FCHSD2: variants seen among roughly 807,000 people sequenced by gnomAD.
FCHSD2 encodes the protein F-BAR and double SH3 domains protein 2.
Under a neutral mutation model 108.1 loss-of-function variants are expected in FCHSD2, and 38 were observed. The observed-to-expected ratio is 0.35, with a 90% confidence interval of 0.27 to 0.46. The LOEUF (loss-of-function observed/expected upper bound fraction) is 0.46, where lower values mean the gene tolerates loss of function less well. Ranked by LOEUF, FCHSD2 falls within the 20% of genes least tolerant of loss-of-function variation. The pLI is 1.00. For synonymous variants in FCHSD2, 279 were observed against 314.7 expected, an observed-to-expected ratio of 0.89 and a Z score of 1.20; for missense variants, 751 against 897.8, an observed-to-expected ratio of 0.84 and a Z score of 2.09.
rs541465767 is a variant in FCHSD2 at position 73,108,742 on chromosome 11, T to G, written c.120-25002A>C. Among the ~76,000 whole-genome samples, 224 of 152,002 alleles carry G rather than the reference T, an allele frequency of 1.5e-3. 1 individual carries two copies. The highest frequency in any genetic ancestry group is 2.8e-3 in the Non-Finnish European group (187 of 67,954). ...CGCCACCGCGCCCGGCTAATTTTTTTTTGTATTTTTAGTAGAGACGGGGTT... is the reference window on the plus strand; with the variant it reads ...CGCCACCGCGCCCGGCTAATTTTTTGTTGTATTTTTAGTAGAGACGGGGTT... On this transcript the variant is annotated intron_variant, in intron 2 of 19. Transcript: ENST00000409418.
At chr11:72,915,732 C>T (rs539386184) in intron 9 of FCHSD2, among the ~76,000 whole-genome samples, 5 of 152,198 alleles carry the variant, frequency 3.3e-5, no homozygotes, top group South Asian at 2.1e-4. Context: ...GCAGGAGAAT[C>T]GCTTGAACCT....
intron 8 of FCHSD2, among the ~76,000 whole-genome samples, chr11:72,983,238 G>A (rs2135398163): frequency 6.6e-6 from 1 of 150,904 alleles, no homozygotes; most frequent in East Asian, 2.0e-4. Context: ...AGCTTGCAGT[G>A]AGCCGAGATC....
intron 3 of FCHSD2, among the ~76,000 whole-genome samples, chr11:73,080,296 CAAAAAAAA>C (rs370633105): frequency 1.9e-4 from 10 of 52,274 alleles, no homozygotes; most frequent in Non-Finnish European, 1.7e-4. Context: ...GACCCTGTCT[CAAAAAAAA>C]AAAAAAAAAA....
intron 9 of FCHSD2, among the ~76,000 whole-genome samples, chr11:72,905,412 C>T (rs534329053): frequency 6.6e-6 from 1 of 152,272 alleles, no homozygotes; most frequent in South Asian, 2.1e-4. Flanking sequence ...TTTATCCTTA[C>T]TTTGTATTAC....
intron 3 of FCHSD2, among the ~76,000 whole-genome samples, chr11:73,070,167 T>C (rs1039790853): frequency 2.6e-5 from 4 of 152,230 alleles, no homozygotes; most frequent in Non-Finnish European, 4.4e-5. Flanking sequence ...CTTCATATAA[T>C]GGTCTATTAA....
intron 13 of FCHSD2, among the ~76,000 whole-genome samples, chr11:72,853,440 A>T (rs1389043355): frequency 6.6e-6 from 1 of 152,152 alleles, no homozygotes; most frequent in Non-Finnish European, 1.5e-5. Context: ...TTGGAGACAG[A>T]GTCTCGCTCT....
At position 73,064,237 on chromosome 11, in the gene FCHSD2, A is replaced by T. The variant is rs142521777; in HGVS notation, c.165+19458T>A. On this transcript the variant is annotated intron_variant, in intron 3 of 19. Coordinates refer to ENST00000409418, the MANE Select transcript of FCHSD2 (RefSeq NM_014824.3). Reference sequence around the variant, plus strand: ...GAAATAAAGATGTTCTTTGAAACCAATGAGAACAAAGACACAACGTGCCAG... The same window carrying T: ...GAAATAAAGATGTTCTTTGAAACCATTGAGAACAAAGACACAACGTGCCAG... Among the ~76,000 whole-genome samples, 1,381 of 152,306 alleles carry T rather than the reference A, an allele frequency of 9.1e-3. 21 individuals are homozygous for T. Among genetic ancestry groups the T allele is most frequent in the African/African-American group, 0.03 (1,257 of 41,562 alleles).
At chr11:73,123,674 C>T (rs1860786688) in intron 2 of FCHSD2, among the ~76,000 whole-genome samples, 1 of 152,212 alleles carries the variant, frequency 6.6e-6, no homozygotes, top group Non-Finnish European at 1.5e-5. Context: ...ATACGATCTT[C>T]TTAATTGCAT....
intron 8 of FCHSD2, among the ~76,000 whole-genome samples, chr11:72,955,712 A>G (rs1856699604): frequency 6.6e-6 from 1 of 152,140 alleles, no homozygotes; most frequent in African/African-American, 2.4e-5. Context: ...TCATTCAGGA[A>G]ATCAGAAAGG....
intron 5 of FCHSD2, among the ~76,000 whole-genome samples, chr11:72,991,535 C>T (rs76790176): frequency 1.4e-3 from 220 of 151,780 alleles, no homozygotes; most frequent in African/African-American, 5.0e-3. Flanking sequence ...GCTTCATCCC[C>T]GGGATGCAAG....
chr11:72,906,930 C>T (rs538662232), intron 9 of FCHSD2, among the ~76,000 whole-genome samples: 47 of 152,262 alleles, frequency 3.1e-4, no homozygotes, highest in Middle Eastern at 3.4e-3. Flanking sequence ...TCCATATGAA[C>T]TTTAAAGTAG....
At chr11:72,862,670 G>T (rs1192365686) in intron 13 of FCHSD2, among the ~76,000 whole-genome samples, 1 of 152,160 alleles carries the variant, frequency 6.6e-6, no homozygotes, top group Non-Finnish European at 1.5e-5. Flanking sequence ...GTTGATCTAT[G>T]CAGTCATCAT....
chr11:72,866,402 TG>T (rs1280897345), intron 13 of FCHSD2, among the ~76,000 whole-genome samples: 1 of 152,150 alleles, frequency 6.6e-6, no homozygotes, highest in Non-Finnish European at 1.5e-5. Flanking sequence ...CCTGAGTAGC[TG>T]GGATTATGGG....
rs78059239 is a variant in FCHSD2, at chr11:73,040,877, C to T, written c.166-24992G>A. Among the ~76,000 whole-genome samples, 1,391 of 152,202 alleles carry T rather than the reference C, an allele frequency of 9.1e-3. 8 individuals carry two copies. Among genetic ancestry groups the T allele is most frequent in the Non-Finnish European group, 0.015 (998 of 67,988 alleles). On this transcript the variant is annotated intron_variant, in intron 3 of 19. Coordinates refer to ENST00000409418, the MANE Select transcript of FCHSD2 (RefSeq NM_014824.3). ...TAACCAATCTTCCCTTCAACCTTCCCACAAACTGCTCCCCCCCCTCTTTGG... is the reference window on the plus strand; with the variant it reads ...TAACCAATCTTCCCTTCAACCTTCCTACAAACTGCTCCCCCCCCTCTTTGG...
chr11:73,031,320 A>G (rs1464498885), intron 3 of FCHSD2, among the ~76,000 whole-genome samples: 2 of 152,056 alleles, frequency 1.3e-5, no homozygotes, highest in Non-Finnish European at 2.9e-5. Context: ...ATCAAAAATT[A>G]TAAAAATTAG....
chr11:72,887,652 A>C, intron 11 of FCHSD2, 78 bp from the exon 12 acceptor site: 1 of 923,148 alleles, frequency 1.1e-6, no homozygotes, highest in Non-Finnish European at 1.6e-6. Flanking sequence ...TATTTACATA[A>C]TTCAAAGGGC....
chr11:72,848,942 A>G (rs1861216117), intron 14 of FCHSD2, among the ~76,000 whole-genome samples: 1 of 152,236 alleles, frequency 6.6e-6, no homozygotes, highest in Non-Finnish European at 1.5e-5. Flanking sequence ...ATTGGAAAAA[A>G]ATGCTAACAC....
At chr11:72,986,679 T>A (rs1235445445) in intron 6 of FCHSD2, among the ~76,000 whole-genome samples, 2 of 152,170 alleles carry the variant, frequency 1.3e-5, no homozygotes, top group Non-Finnish European at 2.9e-5. Context: ...TGCATGTAGA[T>A]CTTCCAATAT....
chr11:73,124,007 AC>A (rs1224736652), intron 2 of FCHSD2, among the ~76,000 whole-genome samples: 1 of 152,196 alleles, frequency 6.6e-6, no homozygotes, highest in African/African-American at 2.4e-5. Flanking sequence ...GCATATGGCA[AC>A]CCAAATGTCC....
Sources: gnomAD v4.1 joint callset for allele counts (sites outside exome capture counted in the v4.1 genomes callset) on GRCh38, gnomAD v4.1.1 for gene constraint, MANE v1.5 for transcripts, NCBI Gene and HGNC (gene_info 2026-07-23, HGNC 2026-07-21) for gene names.